The following QSOX1 variants were observed in gnomAD, a reference collection of about 807,000 sequenced individuals.
The protein encoded by QSOX1 is quiescin sulfhydryl oxidase 1, also known as sulfhydryl oxidase 1.
QSOX1 carries 40 observed loss-of-function variants against 76.1 expected under a neutral mutation model. That is an observed-to-expected ratio of 0.53 (90% CI 0.41 to 0.68). The LOEUF is 0.68. Among genes scored for constraint, QSOX1 ranks in the 30% least tolerant of loss-of-function variants. The pLI is 0.00. For missense variants in QSOX1, 931 were observed against 974.3 expected (o/e 0.96, Z 0.59); for synonymous variants, 392 against 413.1 (o/e 0.95, Z 0.62).
intron 7 of QSOX1, among the ~76,000 whole-genome samples, chr1:180,185,750 A>G (rs1336257463): frequency 6.6e-6 from 1 of 151,546 alleles, no homozygotes; most frequent in African/African-American, 2.4e-5. Flanking sequence ...GAAAACTCCT[A>G]CTCCCTGCCA....
chr1:180,195,854 C>T (rs752496714), intron 11 of QSOX1, among the ~76,000 whole-genome samples: 12 of 152,346 alleles, frequency 7.9e-5, no homozygotes, highest in South Asian at 4.1e-4. Context: ...AAGACAAACA[C>T]GAGCAGACCG....
chr1:180,177,873 GT>G (rs1414884431), intron 4 of QSOX1, among the ~76,000 whole-genome samples: 49 of 87,016 alleles, frequency 5.6e-4, no homozygotes, highest in African/African-American at 1.8e-3. Context: ...GTTTTGTTTT[GT>G]TTTGGATATG....
chr1:180,176,145 C>G (rs2149235943), intron 4 of QSOX1, 112 bp downstream of exon 4: 1 of 846,140 alleles, frequency 1.2e-6, no homozygotes, highest in African/African-American at 1.7e-5. Context: ...TCCTTGCTGC[C>G]TTTGCCTGTG....
chr1:180,157,299 T>C (rs1662396176), intron 1 of QSOX1, among the ~76,000 whole-genome samples: 1 of 152,206 alleles, frequency 6.6e-6, no homozygotes, highest in Non-Finnish European at 1.5e-5. Context: ...CAGAATCTGC[T>C]GTCAGCCTGC....
Position 180,201,994 on chromosome 1 carries a change from TGA to T in QSOX1, c.*4959_*4960del, listed in dbSNP as rs1344408620. Reference sequence around the variant, plus strand: ...TCAGTTGGACTGCATAGCTGCCGGCTGAGTCTCTCTGGCCACCCTCACTGGCC... The same window carrying T: ...TCAGTTGGACTGCATAGCTGCCGGCTGTCTCTCTGGCCACCCTCACTGGCC... On this transcript the variant is annotated 3_prime_UTR_variant, in exon 12 of 12. Transcript: ENST00000367602. The T allele has an allele frequency of 6.6e-6, 1 of 152,316 alleles. No individual in the cohort carries two copies. Among genetic ancestry groups the T allele is most frequent in the Non-Finnish European group, 1.5e-5 (1 of 68,108 alleles). The allele number at this position is 152,316 out of a possible 1,614,324, so 9.4% of individuals were successfully genotyped here.
Position 180,194,373 on chromosome 1 carries a change from G to A in QSOX1, c.1449G>A (p.Arg483=). 1 of 1,562,220 alleles carries A rather than the reference G, an allele frequency of 6.4e-7. No individual in the cohort carries two copies. Among genetic ancestry groups the A allele is most frequent in the African/African-American group, 1.4e-5 (1 of 73,762 alleles). ...TCTGGCTCTGGTCTAGCCACAACAG[G>A]GTCAATGCTCGCCTTGCAGGTAAGG... is the stretch of plus-strand genomic sequence containing the variant. ...AVLWLWSSHN[R]VNARLAGAPS... The change falls in exon 11 of 12, where the codon AGG becomes AGA. Residue 483 remains arginine, a synonymous_variant. Coordinates refer to ENST00000367602, the MANE Select transcript of QSOX1 (RefSeq NM_002826.5).
At chr1:180,174,007 C>T (rs1266819806) in intron 2 of QSOX1, among the ~76,000 whole-genome samples, 1 of 152,242 alleles carries the variant, frequency 6.6e-6, no homozygotes, top group Non-Finnish European at 1.5e-5. Flanking sequence ...GGGGCCTGTT[C>T]TCAGCTGCCA....
Position 180,186,122 on chromosome 1 carries a change from C to T in QSOX1, c.957C>T (p.Phe319=), listed in dbSNP as rs1374321400. The T allele has an allele frequency of 1.9e-6, 3 of 1,614,078 alleles. No individual in the cohort carries two copies. The highest frequency in any genetic ancestry group is 2.5e-6 in the Non-Finnish European group (3 of 1,180,032). The change falls in exon 8 of 12, where the codon TTC becomes TTT. Residue 319 remains phenylalanine, a synonymous_variant. Coordinates refer to ENST00000367602, the MANE Select transcript of QSOX1 (RefSeq NM_002826.5). ...HYILRIEVGR[F]PVLEGQRLVA... Reference sequence around the variant, plus strand: ...TCCTGCGGATAGAAGTGGGCAGGTTCCCGGTCCTGGAAGGGCAGCGCCTGG... The same window carrying T: ...TCCTGCGGATAGAAGTGGGCAGGTTTCCGGTCCTGGAAGGGCAGCGCCTGG...
chr1:180,169,772 C>T (rs1021838960), intron 2 of QSOX1, among the ~76,000 whole-genome samples: 16 of 152,246 alleles, frequency 1.1e-4, no homozygotes, highest in African/African-American at 3.9e-4. Flanking sequence ...GCACCGCACT[C>T]ACCACTGCAG....
At position 180,197,543 on chromosome 1, in the gene QSOX1, C is replaced by T. The variant is rs975316965; in HGVS notation, c.*506C>T. 19 of 739,310 alleles carry T rather than the reference C, an allele frequency of 2.6e-5. No individual in the cohort carries two copies. The highest frequency in any genetic ancestry group is 3.5e-4 in the Middle Eastern group (1 of 2,868). 45.8% of individuals were successfully genotyped at this position (739,310 alleles called of 1,614,324 possible). A position where few individuals can be genotyped will look rare whatever the true frequency, so the allele number is the denominator to read the frequency against. ...CCCTGGGAGGAAGGACCACCCCGGG[C>T]CCTCTATGCCTGGCCAGCCTCCAGC... is the stretch of plus-strand genomic sequence containing the variant. On this transcript the variant is annotated 3_prime_UTR_variant, in exon 12 of 12. Transcript: ENST00000367602.
At chr1:180,165,596 T>C (rs1215054045) in intron 1 of QSOX1, among the ~76,000 whole-genome samples, 1 of 152,242 alleles carries the variant, frequency 6.6e-6, no homozygotes, top group Non-Finnish European at 1.5e-5. Context: ...GGCCGACCTC[T>C]CCAAACTTGA....
intron 9 of QSOX1, among the ~76,000 whole-genome samples, chr1:180,190,180 A>C (rs2149241664): frequency 6.6e-6 from 1 of 152,264 alleles, no homozygotes; most frequent in African/African-American, 2.4e-5. Context: ...TCTCGAAGGG[A>C]CCTCAGAGAT....
chr1:180,195,448 T>C (rs1394890710), intron 11 of QSOX1, among the ~76,000 whole-genome samples: 2 of 152,210 alleles, frequency 1.3e-5, no homozygotes, highest in African/African-American at 4.8e-5. Context: ...TCCTGCTTCC[T>C]TGTAGTCAAC....
At chr1:180,161,804 T>C (rs1662499936) in intron 1 of QSOX1, among the ~76,000 whole-genome samples, 1 of 152,254 alleles carries the variant, frequency 6.6e-6, no homozygotes, top group South Asian at 2.1e-4. Context: ...GTGCTTGATC[T>C]TGGTTATCAG....
chr1:180,196,220 G>A lies in QSOX1; in HGVS notation c.1469-42G>A. On this transcript the variant is annotated intron_variant, in intron 11 of 11. Transcript: ENST00000367602. The surrounding 1 kb of genome is among the most constrained non-coding windows in gnomAD (Gnocchi z 4.1). ...GGAGTGTGGTCTGGGTTTTTGGGTGGGACTGATGTCACCACCAGCCTGTGT... is the reference window on the plus strand; with the variant it reads ...GGAGTGTGGTCTGGGTTTTTGGGTGAGACTGATGTCACCACCAGCCTGTGT... 2 of 1,569,524 alleles carry A rather than the reference G, an allele frequency of 1.3e-6. No homozygotes were observed.
intron 2 of QSOX1, among the ~76,000 whole-genome samples, chr1:180,169,912 G>A (rs1337424890): frequency 6.6e-6 from 1 of 152,232 alleles, no homozygotes; most frequent in Non-Finnish European, 1.5e-5. Flanking sequence ...AGGAGTGTGT[G>A]TAGGAGGGGA....
At chr1:180,177,170 T>C (rs1334783919) in intron 4 of QSOX1, among the ~76,000 whole-genome samples, 1 of 151,624 alleles carries the variant, frequency 6.6e-6, no homozygotes, top group Non-Finnish European at 1.5e-5. Flanking sequence ...CACACGTACA[T>C]CCTCATGGCA....
intron 2 of QSOX1, among the ~76,000 whole-genome samples, chr1:180,172,206 G>A (rs550999200): frequency 3.4e-3 from 525 of 152,254 alleles, no homozygotes; most frequent in African/African-American, 0.012. Context: ...AGAAGGATTC[G>A]AATCTATCTG....
At position 180,189,611 on chromosome 1, in the gene QSOX1, G is replaced by A. The variant is rs894661403; in HGVS notation, c.1077G>A (p.Lys359=). ...TGCACTCCGTGAATGAATGGCTCAA[G>A]AGGCAGAAGAGAAATAAAATTCCCT... is the stretch of plus-strand genomic sequence containing the variant. ...NFLHSVNEWL[K]RQKRNKIPYS... Residue 359 remains lysine (K), a synonymous_variant, in exon 9 of 12, where the codon AAG becomes AAA. Coordinates refer to ENST00000367602, the MANE Select transcript of QSOX1 (RefSeq NM_002826.5). 6.2e-7 allele frequency: 1 copy of A among 1,613,704 alleles called. No individual in the cohort carries two copies. Among genetic ancestry groups the A allele is most frequent in the Non-Finnish European group, 8.5e-7 (1 of 1,179,756 alleles).
Sources: gnomAD v4.1 joint callset for allele counts (sites outside exome capture counted in the v4.1 genomes callset) on GRCh38, gnomAD v4.1.1 for gene constraint, Gnocchi (gnomAD v3.1) non-coding constraint, MANE v1.5 for transcripts, NCBI Gene and HGNC (gene_info 2026-07-23, HGNC 2026-07-21) for gene names.